PAXBP1: variants seen among roughly 807,000 people sequenced by gnomAD.
The protein encoded by PAXBP1 is PAX3 and PAX7 binding protein 1.
In PAXBP1, 44 loss-of-function variants were observed where a neutral mutation model predicts 119.9. The ratio of observed to expected loss-of-function variants is 0.37; its 90% CI spans 0.29 to 0.47. The LOEUF is 0.47. Among genes scored for constraint, PAXBP1 ranks in the 20% least tolerant of loss-of-function variants. The pLI is 0.99. For synonymous variants in PAXBP1, 393 were observed against 406.6 expected, an observed-to-expected ratio of 0.97 and a Z score of 0.40; for missense variants, 898 against 1,134.1, an observed-to-expected ratio of 0.79 and a Z score of 2.99.
At chr21:32,736,314 G>A (rs1011490352) in intron 17 of PAXBP1, among the ~76,000 whole-genome samples, 9 of 151,774 alleles carry the variant, frequency 5.9e-5, no homozygotes, top group Non-Finnish European at 1.2e-4. Flanking sequence ...TCAGCCTCCC[G>A]AGTAGGTGGG....
intron 16 of PAXBP1, 107 bp downstream of exon 16, chr21:32,738,066 G>T: frequency 8.7e-7 from 1 of 1,147,086 alleles, no homozygotes; most frequent in Non-Finnish European, 1.2e-6. Flanking sequence ...TGCAAGTCCA[G>T]TAATCAAAGG....
At chr21:32,754,561 T>C (rs1569161719) in intron 8 of PAXBP1, among the ~76,000 whole-genome samples, 2 of 152,258 alleles carry the variant, frequency 1.3e-5, no homozygotes, top group African/African-American at 2.4e-5. Flanking sequence ...AGGTTTCTAA[T>C]TCTGGTTTTC....
At chr21:32,753,942 T>C (rs1420809026) in intron 8 of PAXBP1, among the ~76,000 whole-genome samples, 1 of 152,204 alleles carries the variant, frequency 6.6e-6, no homozygotes, top group Non-Finnish European at 1.5e-5. Flanking sequence ...TTACCTGTAA[T>C]CTGCCCCAGA....
At chr21:32,748,413 G>A in intron 11 of PAXBP1, 86 bp downstream of exon 11, 1 of 1,304,194 alleles carries the variant, frequency 7.7e-7, no homozygotes, top group Non-Finnish European at 1.1e-6. Context: ...AAAATATTTT[G>A]CTTAAGCTTA....
intron 6 of PAXBP1, 44 bp downstream of exon 6, chr21:32,759,733 C>G (rs762134615): frequency 6.6e-7 from 1 of 1,520,978 alleles, no homozygotes; most frequent in East Asian, 2.3e-5. Context: ...CCTGAGGGAA[C>G]AGAAAGCTAG....
At chr21:32,741,517 A>G (rs1200005918) in intron 15 of PAXBP1, 1 of 778,202 alleles carries the variant, frequency 1.3e-6, no homozygotes, top group East Asian at 2.4e-5. Context: ...GCTCAAGAGA[A>G]GACAACACAA....
intron 2 of PAXBP1, among the ~76,000 whole-genome samples, chr21:32,766,872 C>T (rs1231273179): frequency 6.6e-6 from 1 of 152,164 alleles, no homozygotes; most frequent in Admixed American, 6.5e-5. Flanking sequence ...CTCCTTGGTC[C>T]TCACTTTTCC....
rs1167629939 is a variant in PAXBP1 at position 32,734,946 on chromosome 21, A to T, written c.*4T>A. 2 of 1,603,414 alleles carry T rather than the reference A, an allele frequency of 1.2e-6. No homozygotes were observed. Among genetic ancestry groups the T allele is most frequent in the African/African-American group, 2.7e-5 (2 of 74,688 alleles). ...AAGCAAATAGGTTTTTCAGTCTCAT[A>T]GATCTATTTTCCTTCGATCAAAGAC... On this transcript the variant is annotated 3_prime_UTR_variant, in exon 18 of 18. Coordinates refer to ENST00000331923, the MANE Select transcript of PAXBP1 (RefSeq NM_016631.4).
chr21:32,745,758 T>C (rs752080147), intron 11 of PAXBP1, 40 bp from the exon 12 acceptor site: 21 of 1,607,046 alleles, frequency 1.3e-5, no homozygotes, highest in Non-Finnish European at 1.7e-5. Context: ...ACTAAAATAG[T>C]GGCTATTTCT....
intron 15 of PAXBP1, among the ~76,000 whole-genome samples, chr21:32,740,484 A>C (rs1159067477): frequency 2.6e-5 from 4 of 152,240 alleles, no homozygotes; most frequent in African/African-American, 9.6e-5. Context: ...TTTGGTGTTC[A>C]TAGGACAAAG....
At chr21:32,760,919 G>T in intron 5 of PAXBP1, 140 bp downstream of exon 5, 1 of 639,008 alleles carries the variant, frequency 1.6e-6, no homozygotes, top group South Asian at 1.9e-5. Context: ...GTGTGTGTGT[G>T]TGTGTGTGTG....
At chr21:32,767,661 G>A (rs1349368289) in intron 2 of PAXBP1, among the ~76,000 whole-genome samples, 1 of 152,100 alleles carries the variant, frequency 6.6e-6, no homozygotes, top group Non-Finnish European at 1.5e-5. Flanking sequence ...GGTTTATCAG[G>A]GGTTTCCGCT....
At chr21:32,756,406 G>A (rs7279405) in intron 7 of PAXBP1, 275,171 of 494,914 alleles carry the variant, frequency 0.56, 81,073 homozygotes, top group African/African-American at 0.89. Flanking sequence ...GTGGAATACA[G>A]AGATGTCTGT....
chr21:32,747,790 C>CT (rs907840713), intron 11 of PAXBP1, among the ~76,000 whole-genome samples: 101 of 144,850 alleles, frequency 7.0e-4, no homozygotes, highest in Admixed American at 1.0e-3. Context: ...ACCTCCTTAT[C>CT]TTTTTTTTTT....
Position 32,743,692 on chromosome 21 carries a change from G to A in PAXBP1, c.2253C>T (p.Pro751=), listed in dbSNP as rs1601587773. ...GAGTTACTTACTTTTTGGGATATAA[G>A]GGCATAAATACATCATCATCTAAAG... The part of the protein sequence containing the change: ...RRTLDDDVFM[P]LYPKNVLENK... The change falls in exon 14 of 18, where the codon CCC becomes CCT. Residue 751 remains proline, a synonymous_variant. Transcript: ENST00000331923. 11 of 1,588,798 alleles carry A rather than the reference G, an allele frequency of 6.9e-6. No individual in the cohort carries two copies. Among genetic ancestry groups the A allele is most frequent in the Non-Finnish European group, 9.5e-6 (11 of 1,160,034 alleles).
At chr21:32,755,456 G>T in intron 7 of PAXBP1, 103 bp from the exon 8 acceptor site, 1 of 1,451,870 alleles carries the variant, frequency 6.9e-7, no homozygotes, top group Non-Finnish European at 9.3e-7. Context: ...CCCTCTCTAT[G>T]GACAGAATAA....
intron 2 of PAXBP1, among the ~76,000 whole-genome samples, chr21:32,768,498 T>C (rs2044280148): frequency 1.3e-5 from 2 of 152,208 alleles, no homozygotes; most frequent in South Asian, 4.1e-4. Context: ...TTCTTTCCAC[T>C]TCTCCCCCTA....
chr21:32,741,622 C>T (rs1291911917), intron 15 of PAXBP1: 2 of 736,292 alleles, frequency 2.7e-6, no homozygotes, highest in Admixed American at 3.7e-5. Flanking sequence ...GGTTTTATGA[C>T]CTATAATCAA....
intron 8 of PAXBP1, among the ~76,000 whole-genome samples, chr21:32,752,866 G>A (rs760672325): frequency 2.0e-5 from 3 of 151,848 alleles, no homozygotes; most frequent in Non-Finnish European, 4.4e-5. Context: ...ACTCCGCCTC[G>A]GCCTCTCAAA....
Sources: allele counts gnomAD v4.1 joint callset (sites outside exome capture counted in the v4.1 genomes callset), GRCh38; gene constraint gnomAD v4.1.1; transcripts MANE v1.5; gene names NCBI Gene and HGNC (gene_info 2026-07-23, HGNC 2026-07-21).